PIWIL2: variants seen among roughly 807,000 people sequenced by gnomAD.
PIWIL2 encodes piwi-like protein 2.
Under a neutral mutation model 116.5 loss-of-function variants are expected in PIWIL2, and 81 were observed. The ratio of observed to expected loss-of-function variants is 0.70; its 90% confidence interval spans 0.58 to 0.84. The LOEUF (loss-of-function observed/expected upper bound fraction) is 0.84, where lower values mean the gene tolerates loss of function less well. Among genes scored for constraint, PIWIL2 ranks in the 40% least tolerant of loss-of-function variants. PIWIL2 has a pLI of 0.00. For missense variants in PIWIL2, 1,272 were observed against 1,212.3 expected (o/e 1.05, Z -0.73); for synonymous variants, 489 against 429.5 (o/e 1.14, Z -1.71).
rs894034270 is a variant in PIWIL2, at chr8:22,291,129, C to T, written c.1181+783C>T. ...AATTATAGGCGCCCGCCACCATGTC[C>T]GGCTAATTTTTTTTTCTTTTCTTTT... On this transcript the variant is annotated intron_variant, in intron 10 of 22. Coordinates refer to ENST00000356766, the MANE Select transcript of PIWIL2 (RefSeq NM_018068.5). Among the ~76,000 whole-genome samples, 7 of 151,500 alleles carry T rather than the reference C, an allele frequency of 4.6e-5. No individual in the cohort carries two copies. In the South Asian group the frequency reaches 6.3e-4, roughly 14 times the overall value.
At chr8:22,313,844 G>T (rs755783558) in intron 16 of PIWIL2, among the ~76,000 whole-genome samples, 1 of 152,114 alleles carries the variant, frequency 6.6e-6, no homozygotes, top group Non-Finnish European at 1.5e-5. Flanking sequence ...CATGAATTTG[G>T]CAATAGCTTC....
intron 20 of PIWIL2, among the ~76,000 whole-genome samples, chr8:22,333,527 G>A (rs890456847): frequency 6.6e-6 from 1 of 152,008 alleles, no homozygotes; most frequent in Non-Finnish European, 1.5e-5. Flanking sequence ...CAGGAGAATC[G>A]CTTGAACCCG....
intron 19 of PIWIL2, among the ~76,000 whole-genome samples, chr8:22,317,147 A>G (rs566402804): frequency 6.6e-6 from 1 of 152,202 alleles, no homozygotes; most frequent in Non-Finnish European, 1.5e-5. Context: ...ACCTCCTCCA[A>G]GGCTGGGGCT....
At chr8:22,347,897 G>A (rs1197954490) in intron 20 of PIWIL2, among the ~76,000 whole-genome samples, 1 of 152,002 alleles carries the variant, frequency 6.6e-6, no homozygotes, top group Non-Finnish European at 1.5e-5. Context: ...CTCCTCTGTT[G>A]CCATAGCATT....
At chr8:22,297,940 A>G (rs988666682) in intron 10 of PIWIL2, among the ~76,000 whole-genome samples, 2 of 152,212 alleles carry the variant, frequency 1.3e-5, no homozygotes, top group Non-Finnish European at 2.9e-5. Context: ...TATAGACAGC[A>G]GTAAAAGCAA....
intron 13 of PIWIL2, among the ~76,000 whole-genome samples, chr8:22,307,264 T>C (rs953058489): frequency 4.6e-5 from 7 of 151,982 alleles, no homozygotes; most frequent in Non-Finnish European, 8.8e-5. Flanking sequence ...TCAAGTGATC[T>C]GCCTGTCTTG....
intron 16 of PIWIL2, among the ~76,000 whole-genome samples, chr8:22,312,848 C>T (rs1452122775): frequency 2.0e-5 from 3 of 152,060 alleles, no homozygotes; most frequent in African/African-American, 7.3e-5. Flanking sequence ...CTTCTGTTGC[C>T]CAGGCTGATC....
intron 20 of PIWIL2, among the ~76,000 whole-genome samples, chr8:22,348,907 C>T (rs1832288659): frequency 6.6e-6 from 1 of 152,146 alleles, no homozygotes; most frequent in Non-Finnish European, 1.5e-5. Flanking sequence ...GATTTTTCAG[C>T]TCCTTGATTC....
At chr8:22,332,015 A>C (rs1831874519) in intron 20 of PIWIL2, among the ~76,000 whole-genome samples, 1 of 152,096 alleles carries the variant, frequency 6.6e-6, no homozygotes, top group Admixed American at 6.6e-5. Context: ...GAGTCAACTG[A>C]AAGATAGGTG....
intron 13 of PIWIL2, among the ~76,000 whole-genome samples, chr8:22,307,673 A>G (rs1034040772): frequency 4.6e-5 from 7 of 151,666 alleles, no homozygotes; most frequent in Admixed American, 3.3e-4. Flanking sequence ...TTTTATAGAG[A>G]CAGAGTCTTG....
chr8:22,340,726 C>CT (rs1360866326), intron 20 of PIWIL2, among the ~76,000 whole-genome samples: 4 of 151,820 alleles, frequency 2.6e-5, no homozygotes, highest in Non-Finnish European at 5.9e-5. Flanking sequence ...CTTTTTATTT[C>CT]TTTTTTTTCT....
chr8:22,350,628 T>C (rs569209992), intron 20 of PIWIL2, among the ~76,000 whole-genome samples: 1 of 152,160 alleles, frequency 6.6e-6, no homozygotes, highest in African/African-American at 2.4e-5. Flanking sequence ...CACAAACTGG[T>C]GCAATCTGAG....
intron 16 of PIWIL2, among the ~76,000 whole-genome samples, chr8:22,313,637 T>A (rs1251786490): frequency 6.6e-6 from 1 of 152,226 alleles, no homozygotes; most frequent in Non-Finnish European, 1.5e-5. Flanking sequence ...TACCACTGAT[T>A]TACCATTTGT....
intron 10 of PIWIL2, among the ~76,000 whole-genome samples, chr8:22,303,801 A>G (rs1025124986): frequency 2.0e-5 from 3 of 152,052 alleles, no homozygotes; most frequent in Admixed American, 2.0e-4. Context: ...CTGGTCTCCA[A>G]CTTCTGGGTT....
chr8:22,317,444 CTAT>C (rs1831487818), intron 19 of PIWIL2, among the ~76,000 whole-genome samples: 1 of 152,116 alleles, frequency 6.6e-6, no homozygotes, highest in Admixed American at 6.6e-5. Flanking sequence ...GCTAGGCATA[CTAT>C]TCCTTAGCTT....
intron 15 of PIWIL2, among the ~76,000 whole-genome samples, 187 bp downstream of exon 15, chr8:22,310,261 G>T (rs1420454172): frequency 1.3e-5 from 2 of 152,190 alleles, no homozygotes; most frequent in Non-Finnish European, 2.9e-5. Flanking sequence ...TAAGCCCTTT[G>T]CCTGACCATA....
Position 22,318,897 on chromosome 8 carries a change from A to T in PIWIL2, c.2403+622A>T, listed in dbSNP as rs149133684. On this transcript the variant is annotated intron_variant, in intron 20 of 22. Coordinates refer to ENST00000356766, the MANE Select transcript of PIWIL2 (RefSeq NM_018068.5). Reference sequence around the variant, plus strand: ...GGGAAGTTGGGGATAAGTTTCAGCAATTAAAGCAGCTTATGAGTGTACTCA... The same window carrying T: ...GGGAAGTTGGGGATAAGTTTCAGCATTTAAAGCAGCTTATGAGTGTACTCA... Among the ~76,000 whole-genome samples, 493 of 152,380 alleles carry T rather than the reference A, an allele frequency of 3.2e-3. 4 individuals are homozygous for T. Among genetic ancestry groups the T allele is most frequent in the African/African-American group, 0.011 (438 of 41,594 alleles).
chr8:22,328,366 A>T (rs1451602956), intron 20 of PIWIL2, among the ~76,000 whole-genome samples: 1 of 152,162 alleles, frequency 6.6e-6, no homozygotes, highest in Non-Finnish European at 1.5e-5. Context: ...GGAGAGTGTG[A>T]GTCTTCCAAC....
At chr8:22,341,137 G>A (rs552442222) in intron 20 of PIWIL2, among the ~76,000 whole-genome samples, 1 of 152,152 alleles carries the variant, frequency 6.6e-6, no homozygotes, top group South Asian at 2.1e-4. Context: ...GCAGCCCTAG[G>A]AAACTAGTGA....
Sources: gnomAD v4.1 joint callset for allele counts (sites outside exome capture counted in the v4.1 genomes callset) on GRCh38, gnomAD v4.1.1 for gene constraint, MANE v1.5 for transcripts, NCBI Gene and HGNC (gene_info 2026-07-23, HGNC 2026-07-21) for gene names.